The following EYS variants were observed in gnomAD, a reference collection of about 807,000 sequenced individuals.
EYS encodes protein eyes shut homolog.
EYS carries 250 observed loss-of-function variants against 282.1 expected under a neutral mutation model. The observed-to-expected ratio is 0.89, with a 90% CI of 0.80 to 0.98. The LOEUF (loss-of-function observed/expected upper bound fraction) is 0.98, where lower values mean the gene tolerates loss of function less well. EYS is among the 50% of genes least tolerant of loss of function. The probability of loss-of-function intolerance (pLI) is 0.00; values close to 1 mark genes in which losing one functional copy is unlikely to be tolerated. For missense variants in EYS, 4,016 were observed against 3,709.0 expected (o/e 1.08, Z -2.15); for synonymous variants, 1,355 against 1,282.9 (o/e 1.06, Z -1.20).
chr6:65,445,439 C>T (rs1220831761), intron 5 of EYS, among the ~76,000 whole-genome samples: 1 of 151,430 alleles, frequency 6.6e-6, no homozygotes, highest in South Asian at 2.1e-4. Context: ...AATTTTACCA[C>T]TTTTTTTTAA....
chr6:65,016,148 G>T (rs57862124), intron 13 of EYS, among the ~76,000 whole-genome samples: 3 of 150,478 alleles, frequency 2.0e-5, no homozygotes, highest in Non-Finnish European at 4.4e-5. Context: ...CAAATCACCC[G>T]AGGTTAGGAG....
chr6:65,525,090 G>A (rs566553512), intron 2 of EYS, among the ~76,000 whole-genome samples: 214 of 151,252 alleles, frequency 1.4e-3, no homozygotes, highest in Middle Eastern at 6.8e-3. Context: ...TAAGTTCTGG[G>A]ATACATGTGC....
chr6:65,113,672 G>A (rs897555266), intron 12 of EYS, among the ~76,000 whole-genome samples: 1 of 151,472 alleles, frequency 6.6e-6, no homozygotes, highest in African/African-American at 2.4e-5. Context: ...TTCTTATATT[G>A]TTGAATGAAA....
At chr6:64,814,920 A>G (rs1464338364) in intron 21 of EYS, among the ~76,000 whole-genome samples, 1 of 152,032 alleles carries the variant, frequency 6.6e-6, no homozygotes, top group Non-Finnish European at 1.5e-5. Context: ...ATTGACACCT[A>G]TGCTTACAAA....
chr6:65,680,982 C>T (rs1331325491), intron 1 of EYS, among the ~76,000 whole-genome samples: 1 of 151,764 alleles, frequency 6.6e-6, no homozygotes, highest in East Asian at 1.9e-4. Context: ...TCATTTTAAC[C>T]TTCAGCCCCA....
At chr6:64,257,232 C>A (rs889293162) in intron 30 of EYS, among the ~76,000 whole-genome samples, 26 of 152,126 alleles carry the variant, frequency 1.7e-4, no homozygotes, top group African/African-American at 5.5e-4. Flanking sequence ...TTCCCTCCAA[C>A]TTATACAATA....
intron 2 of EYS, among the ~76,000 whole-genome samples, chr6:65,511,312 C>T (rs1489246653): frequency 6.6e-6 from 1 of 151,442 alleles, no homozygotes; most frequent in African/African-American, 2.4e-5. Flanking sequence ...TATTAATTAA[C>T]ACTATTAACT....
intron 35 of EYS, among the ~76,000 whole-genome samples, chr6:63,903,585 G>A (rs1421416139): frequency 1.3e-5 from 2 of 152,144 alleles, no homozygotes; most frequent in East Asian, 1.9e-4. Flanking sequence ...CCTTGTGAAA[G>A]CACTTCTCCT....
At chr6:65,290,292 A>G (rs1389135934) in intron 12 of EYS, among the ~76,000 whole-genome samples, 2 of 151,124 alleles carry the variant, frequency 1.3e-5, no homozygotes, top group Non-Finnish European at 3.0e-5. Context: ...AACCTTGAGA[A>G]TAAATCTATG....
At chr6:64,807,661 G>A (rs890912279) in intron 22 of EYS, among the ~76,000 whole-genome samples, 8 of 152,136 alleles carry the variant, frequency 5.3e-5, no homozygotes, top group East Asian at 1.9e-4. Flanking sequence ...TCACTTAAAT[G>A]TTTGGATTGC....
At chr6:63,974,415 A>G (rs1183187512) in intron 35 of EYS, among the ~76,000 whole-genome samples, 2 of 152,086 alleles carry the variant, frequency 1.3e-5, no homozygotes, top group Non-Finnish European at 2.9e-5. Context: ...TTTGAAGAAA[A>G]GAGTGAGGGA....
At chr6:64,814,875 G>C (rs1764703102) in intron 21 of EYS, among the ~76,000 whole-genome samples, 1 of 151,892 alleles carries the variant, frequency 6.6e-6, no homozygotes, top group Non-Finnish European at 1.5e-5. Context: ...GTTTTACCTT[G>C]AAAAGTGACA....
intron 9 of EYS, among the ~76,000 whole-genome samples, chr6:65,347,401 T>A (rs1034687069): frequency 2.0e-5 from 3 of 151,750 alleles, no homozygotes; most frequent in African/African-American, 7.2e-5. Context: ...TCCTAATCTA[T>A]CTTTTGTGAA....
chr6:63,799,465 A>G (rs1770732253), intron 37 of EYS, among the ~76,000 whole-genome samples: 1 of 152,198 alleles, frequency 6.6e-6, no homozygotes, highest in Non-Finnish European at 1.5e-5. Flanking sequence ...ATCCGAATCA[A>G]TCAATGCCTA....
chr6:63,778,032 T>C lies in EYS; in HGVS notation c.7872A>G (p.Thr2624=). The C allele has an allele frequency of 1.9e-6, 3 of 1,551,706 alleles. No homozygotes were observed. In the South Asian group the frequency reaches 3.6e-5, roughly 18 times the overall value. The change falls in exon 40 of 43, where the codon ACA becomes ACG. Residue 2624 remains threonine (T), a synonymous_variant. Transcript: ENST00000503581. ...AAACACTAGTTCCACTCTCTATGCA[T>C]GTCCCACCATTGCCACATTTCATTA... ...CSLMKCGNGG[T]CIESGTSVYC... is the part of the protein sequence containing the mutation.
intron 1 of EYS, among the ~76,000 whole-genome samples, chr6:65,704,507 A>G (rs1769803416): frequency 1.3e-5 from 2 of 152,086 alleles, no homozygotes; most frequent in Admixed American, 1.3e-4. Context: ...TTGTTCAAAG[A>G]AAGAATGTGT....
chr6:64,918,189 G>A (rs561846995), intron 15 of EYS, among the ~76,000 whole-genome samples: 9 of 151,858 alleles, frequency 5.9e-5, no homozygotes, highest in Non-Finnish European at 1.2e-4. Flanking sequence ...TCATTTAGAC[G>A]GAAAAATCTA....
chr6:64,280,468 C>G (rs1768267544), intron 30 of EYS, among the ~76,000 whole-genome samples: 1 of 152,052 alleles, frequency 6.6e-6, no homozygotes, highest in African/African-American at 2.4e-5. Flanking sequence ...TTGAGTCAAA[C>G]TTGTAGATGT....
chr6:63,943,456 A>G (rs1197056521), intron 35 of EYS, among the ~76,000 whole-genome samples: 5 of 152,208 alleles, frequency 3.3e-5, no homozygotes, highest in African/African-American at 1.2e-4. Context: ...ATTCTGCATG[A>G]AAATATGAAG....
Sources: gnomAD v4.1 joint callset for allele counts (sites outside exome capture counted in the v4.1 genomes callset) on GRCh38, gnomAD v4.1.1 for gene constraint, MANE v1.5 for transcripts, NCBI Gene and HGNC (gene_info 2026-07-23, HGNC 2026-07-21) for gene names.